ZNF793: variants seen among roughly 807,000 people sequenced by gnomAD.
ZNF793 encodes the protein zinc finger protein 793.
A neutral mutation model predicts 12.4 loss-of-function variants in ZNF793; 5 were observed. That is an observed-to-expected ratio of 0.40 (90% confidence interval 0.21 to 0.84). ZNF793 has a LOEUF of 0.84. Among genes scored for constraint, ZNF793 ranks in the 40% least tolerant of loss-of-function variants. ZNF793 has a pLI of 0.35. For missense variants in ZNF793, 456 were observed against 495.0 expected, an observed-to-expected ratio of 0.92 and a Z score of 0.75; for synonymous variants, 162 against 172.4, an observed-to-expected ratio of 0.94 and a Z score of 0.47.
intron 2 of ZNF793, among the ~76,000 whole-genome samples, chr19:37,515,588 G>C (rs1264945937): frequency 6.6e-6 from 1 of 152,142 alleles, no homozygotes; most frequent in African/African-American, 2.4e-5. Flanking sequence ...GATTACAGGC[G>C]TGAGCCACCG....
chr19:37,514,237 TTAAAA>T (rs1368105194), intron 2 of ZNF793, among the ~76,000 whole-genome samples: 5 of 152,114 alleles, frequency 3.3e-5, no homozygotes, highest in Admixed American at 1.3e-4. Context: ...CTATGAACGA[TTAAAA>T]TACTTGAAAA....
chr19:37,526,182 TACTC>T, intron 5 of ZNF793, among the ~76,000 whole-genome samples: 1 of 152,264 alleles, frequency 6.6e-6, no homozygotes, highest in South Asian at 2.1e-4. Flanking sequence ...AACAGGGTCT[TACTC>T]ACTGGAGCCT....
In ZNF793 at chr19:37,512,492, C is replaced by T. The variant is rs910833874; in HGVS notation, c.-276+4089C>T. 5.3e-5 allele frequency among the ~76,000 whole-genome samples: 8 copies of T among 151,870 alleles called. 1 individual carries two copies. Among genetic ancestry groups the T allele is most frequent in the Non-Finnish European group, 1.0e-4 (7 of 67,960 alleles). ...ATCACGCCACTACACTCCAGCCTGG[C>T]GACAGAGCAAGACTCCGTTTCAAAA... On this transcript the variant is annotated intron_variant, in intron 2 of 7. Coordinates refer to ENST00000627814, the MANE Select transcript of ZNF793 (RefSeq NM_001013659.3).
chr19:37,532,022 T>TC (rs1457389183), intron 5 of ZNF793, among the ~76,000 whole-genome samples: 1 of 151,764 alleles, frequency 6.6e-6, no homozygotes, highest in Non-Finnish European at 1.5e-5. Context: ...AAAATTTTTT[T>TC]TTTTTTTTTT....
At chr19:37,533,473 C>A in intron 7 of ZNF793, 70 bp downstream of exon 7, 1 of 1,411,308 alleles carries the variant, frequency 7.1e-7, no homozygotes, top group Non-Finnish European at 1.0e-6. Context: ...GTTCAGCATT[C>A]TTCTCTTAAA....
chr19:37,515,299 CT>C (rs2042322460), intron 2 of ZNF793, among the ~76,000 whole-genome samples: 1 of 151,516 alleles, frequency 6.6e-6, no homozygotes, highest in Non-Finnish European at 1.5e-5. Flanking sequence ...TGACTTTTTT[CT>C]TTTTTTCTTT....
At position 37,513,784 on chromosome 19, in the gene ZNF793, A is replaced by G. The variant is rs945729490; in HGVS notation, c.-276+5381A>G. Reference sequence around the variant, plus strand: ...TCTGTGACAGTGAATCATATTATGTATTTTTTAATGAAGATGGAAAAGATT... The same window carrying G: ...TCTGTGACAGTGAATCATATTATGTGTTTTTTAATGAAGATGGAAAAGATT... On this transcript the variant is annotated intron_variant, in intron 2 of 7. Transcript: ENST00000627814. Among the ~76,000 whole-genome samples the G allele has an allele frequency of 2.0e-5, 3 of 152,178 alleles. No homozygotes were observed. In the South Asian group the frequency reaches 6.2e-4, roughly 32 times the overall value.
intron 5 of ZNF793, 63 bp downstream of exon 5, chr19:37,523,517 G>T: frequency 6.6e-7 from 1 of 1,507,104 alleles, no homozygotes; most frequent in South Asian, 1.1e-5. Flanking sequence ...AGGAAAAAAA[G>T]GGTGTGCATT....
Position 37,540,040 on chromosome 19 carries a change from T to G in ZNF793, c.*2161T>G, listed in dbSNP as rs1359241800. On this transcript the variant is annotated 3_prime_UTR_variant, in exon 8 of 8. Transcript: ENST00000627814. ...GCTCACGCCTGTAATCCCAACACTT[T>G]GGGAGGCCGAGGCAGGTGGATCATG... 1 of 152,022 alleles carries G rather than the reference T, an allele frequency of 6.6e-6. No individual in the cohort carries two copies. The highest frequency in any genetic ancestry group is 1.5e-5 in the Non-Finnish European group (1 of 67,978). 9.4% of individuals were successfully genotyped at this position (152,022 alleles called of 1,614,324 possible). A position where few individuals can be genotyped will look rare whatever the true frequency, so the allele number is the denominator to read the frequency against.
At chr19:37,536,823 C>T in intron 7 of ZNF793, 74 bp from the exon 8 acceptor site, 2 of 1,468,668 alleles carry the variant, frequency 1.4e-6, no homozygotes, top group Non-Finnish European at 1.8e-6. Context: ...GTGTGCTGTG[C>T]ACTCTTTAAA....
intron 5 of ZNF793, among the ~76,000 whole-genome samples, chr19:37,531,745 C>A (rs140790394): frequency 6.7e-4 from 102 of 152,268 alleles, no homozygotes; most frequent in Non-Finnish European, 1.1e-3. Context: ...GACATTTTTA[C>A]CCTGATGGCT....
chr19:37,525,437 C>CAATATGAA, intron 5 of ZNF793, among the ~76,000 whole-genome samples: 1 of 119,638 alleles, frequency 8.4e-6, no homozygotes, highest in East Asian at 2.4e-4. Context: ...CGTGCCTGGC[C>CAATATGAA]TTTTTTTTTT....
At chr19:37,514,755 G>A (rs927515061) in intron 2 of ZNF793, among the ~76,000 whole-genome samples, 1 of 151,928 alleles carries the variant, frequency 6.6e-6, no homozygotes, top group Non-Finnish European at 1.5e-5. Context: ...TCTTATGAAT[G>A]TACATGTAAA....
At chr19:37,532,806 C>T (rs1001317855) in intron 6 of ZNF793, among the ~76,000 whole-genome samples, 25 of 151,450 alleles carry the variant, frequency 1.7e-4, no homozygotes, top group Admixed American at 1.2e-3. Flanking sequence ...GCAACAAGAG[C>T]GAAACTGTCT....
Position 37,542,749 on chromosome 19 carries a change from A to G in ZNF793, c.*4870A>G, listed in dbSNP as rs139536262. On this transcript the variant is annotated 3_prime_UTR_variant, in exon 8 of 8. Transcript: ENST00000627814. ...GAAAAATGCAAGGTAGATATTAAGTATGTTAAATATGACTCCATTTTTTTA... is the reference window on the plus strand; with the variant it reads ...GAAAAATGCAAGGTAGATATTAAGTGTGTTAAATATGACTCCATTTTTTTA... The G allele has an allele frequency of 6.0e-6, 1 of 166,328 alleles. No individual in the cohort carries two copies. The highest frequency in any genetic ancestry group is 2.4e-5 in the African/African-American group (1 of 41,984). 10.3% of individuals were successfully genotyped at this position (166,328 alleles called of 1,614,324 possible). A position where few individuals can be genotyped will look rare whatever the true frequency, so the allele number is the denominator to read the frequency against.
At chr19:37,517,676 G>T (rs1249496938) in intron 2 of ZNF793, among the ~76,000 whole-genome samples, 1 of 152,094 alleles carries the variant, frequency 6.6e-6, no homozygotes, top group Admixed American at 6.6e-5. Flanking sequence ...TTAGAGGGCA[G>T]TGTGAGGAAT....
chr19:37,519,467 C>T (rs986335564), intron 2 of ZNF793, among the ~76,000 whole-genome samples: 1 of 152,016 alleles, frequency 6.6e-6, no homozygotes. Flanking sequence ...AACAAGTTGA[C>T]TATTAAAAAT....
Position 37,523,417 on chromosome 19 carries a change from A to G in ZNF793, c.-23A>G, listed in dbSNP as rs367691504. On this transcript the variant is annotated 5_prime_UTR_variant, in exon 5 of 8. Transcript: ENST00000627814. ...CCCCCCACATGTCTACAGGTGTCAG[A>G]TCTTTTTCAAGAACAGCAGAAAATG... 6.8e-6 allele frequency: 11 copies of G among 1,612,790 alleles called. No homozygotes were observed. Among genetic ancestry groups the G allele is most frequent in the Non-Finnish European group, 9.3e-6 (11 of 1,178,960 alleles).
intron 5 of ZNF793, among the ~76,000 whole-genome samples, chr19:37,527,957 G>GAA (rs760485287): frequency 1.5e-5 from 2 of 136,302 alleles, no homozygotes; most frequent in African/African-American, 2.7e-5. Context: ...TGTCTCTACT[G>GAA]AAAAAAAAAA....
Sources: gnomAD v4.1 joint callset for allele counts (sites outside exome capture counted in the v4.1 genomes callset) on GRCh38, gnomAD v4.1.1 for gene constraint, MANE v1.5 for transcripts, NCBI Gene and HGNC (gene_info 2026-07-23, HGNC 2026-07-21) for gene names.